The following ERBB4 variants were observed in gnomAD, a reference collection of about 807,000 sequenced individuals.
The protein encoded by ERBB4 is erb-b2 receptor tyrosine kinase 4.
A neutral mutation model predicts 158.0 loss-of-function variants in ERBB4; 42 were observed. That is an observed-to-expected ratio of 0.27 (90% CI 0.21 to 0.34). The LOEUF is 0.34. Among genes scored for constraint, ERBB4 ranks in the 10% least tolerant of loss-of-function variants. The pLI is 1.00. For synonymous variants in ERBB4, 583 were observed against 558.7 expected (o/e 1.04, Z -0.61); for missense variants, 1,333 against 1,624.1 (o/e 0.82, Z 3.08).
chr2:211,830,501 T>C (rs2077196624), intron 3 of ERBB4, among the ~76,000 whole-genome samples: 1 of 152,156 alleles, frequency 6.6e-6, no homozygotes, highest in Non-Finnish European at 1.5e-5. Context: ...TAGCCTTTAA[T>C]TTGTTTATTT....
chr2:211,994,798 A>G (rs1296229370), intron 2 of ERBB4, among the ~76,000 whole-genome samples: 1 of 152,222 alleles, frequency 6.6e-6, no homozygotes, highest in Non-Finnish European at 1.5e-5. Context: ...TGAGAGAGCA[A>G]CAGCAAAAAC....
At chr2:211,858,624 T>G (rs577483812) in intron 3 of ERBB4, among the ~76,000 whole-genome samples, 2 of 152,246 alleles carry the variant, frequency 1.3e-5, no homozygotes, top group South Asian at 4.2e-4. Context: ...AATAAAATCC[T>G]TGGCTAGCGT....
At chr2:212,419,787 T>G (rs1040552508) in intron 1 of ERBB4, among the ~76,000 whole-genome samples, 2 of 151,938 alleles carry the variant, frequency 1.3e-5, no homozygotes, top group African/African-American at 4.8e-5. Context: ...TAGAACTGAA[T>G]TAACGTCCTA....
intron 3 of ERBB4, among the ~76,000 whole-genome samples, chr2:211,927,378 C>CA (rs1386610853): frequency 6.6e-6 from 1 of 152,052 alleles, no homozygotes. Flanking sequence ...TGTCCAGTTA[C>CA]AAAAATATAT....
At chr2:212,265,464 A>G (rs948185884) in intron 1 of ERBB4, among the ~76,000 whole-genome samples, 2 of 152,096 alleles carry the variant, frequency 1.3e-5, no homozygotes, top group Admixed American at 1.3e-4. Flanking sequence ...AAACACATTT[A>G]TAGCTCCTAT....
chr2:211,609,329 C>T (rs913935005), intron 19 of ERBB4, among the ~76,000 whole-genome samples: 1 of 152,104 alleles, frequency 6.6e-6, no homozygotes, highest in Non-Finnish European at 1.5e-5. Flanking sequence ...TGCCCCCACA[C>T]CCAGTAGGAA....
intron 3 of ERBB4, among the ~76,000 whole-genome samples, chr2:211,856,546 C>T (rs992095728): frequency 2.1e-5 from 3 of 143,422 alleles, no homozygotes; most frequent in African/African-American, 2.5e-5. Flanking sequence ...CCACCACGCC[C>T]GGCTAATTTT....
intron 25 of ERBB4, among the ~76,000 whole-genome samples, chr2:211,415,271 C>A (rs1418990904): frequency 6.6e-6 from 1 of 151,982 alleles, no homozygotes; most frequent in Non-Finnish European, 1.5e-5. Flanking sequence ...CGCCCGCCAC[C>A]ACGCCCGGCT....
chr2:212,033,436 C>A (rs906029741), intron 2 of ERBB4, among the ~76,000 whole-genome samples: 4 of 151,606 alleles, frequency 2.6e-5, no homozygotes, highest in African/African-American at 7.3e-5. Flanking sequence ...CAATTAAGAA[C>A]CAAATTCCTT....
chr2:212,476,301 G>T (rs1339541447), intron 1 of ERBB4, among the ~76,000 whole-genome samples: 2 of 152,100 alleles, frequency 1.3e-5, no homozygotes, highest in Admixed American at 1.3e-4. Flanking sequence ...TAGGAATTAT[G>T]TCTACTTGGC....
intron 16 of ERBB4, among the ~76,000 whole-genome samples, chr2:211,632,496 C>G (rs1443183456): frequency 1.3e-5 from 2 of 151,998 alleles, no homozygotes; most frequent in Non-Finnish European, 2.9e-5. Context: ...TCAGACCAAA[C>G]TCTAAACTTT....
chr2:211,498,721 C>A (rs2065538318), intron 20 of ERBB4, among the ~76,000 whole-genome samples: 1 of 152,122 alleles, frequency 6.6e-6, no homozygotes, highest in Non-Finnish European at 1.5e-5. Flanking sequence ...CTACAATAAT[C>A]CTTTTCATTC....
intron 1 of ERBB4, among the ~76,000 whole-genome samples, chr2:212,488,117 C>T (rs1690074759): frequency 6.6e-6 from 1 of 152,088 alleles, no homozygotes; most frequent in South Asian, 2.1e-4. Flanking sequence ...AACCTCCAAA[C>T]CTCCAAACTC....
chr2:212,323,745 C>G (rs905883), intron 1 of ERBB4, among the ~76,000 whole-genome samples: 2,208 of 150,128 alleles, frequency 0.015, 79 homozygotes, highest in African/African-American at 0.051. Flanking sequence ...GGTTATTTAT[C>G]TTTTGGAGCC....
At chr2:211,862,112 T>C (rs1338415853) in intron 3 of ERBB4, among the ~76,000 whole-genome samples, 2 of 152,204 alleles carry the variant, frequency 1.3e-5, no homozygotes, top group African/African-American at 4.8e-5. Context: ...GGTAGTGCCA[T>C]ATCTCTCTTA....
chr2:211,811,707 T>C (rs2076760717), intron 3 of ERBB4, among the ~76,000 whole-genome samples: 1 of 152,160 alleles, frequency 6.6e-6, no homozygotes, highest in African/African-American at 2.4e-5. Context: ...GAGGCTTTGT[T>C]CGTTTCTTTT....
chr2:211,424,585 A>G (rs1482558901), intron 22 of ERBB4, among the ~76,000 whole-genome samples: 3 of 152,106 alleles, frequency 2.0e-5, no homozygotes, highest in African/African-American at 4.8e-5. Context: ...ATTTCTGCCT[A>G]TAGGTAACAC....
intron 19 of ERBB4, among the ~76,000 whole-genome samples, chr2:211,615,172 A>G (rs1486512436): frequency 6.6e-6 from 1 of 152,066 alleles, no homozygotes; most frequent in Non-Finnish European, 1.5e-5. Context: ...AAAACAGTCA[A>G]CTGTTACTAG....
intron 6 of ERBB4, among the ~76,000 whole-genome samples, chr2:211,724,244 TAGA>T (rs1384775040): frequency 1.3e-5 from 2 of 152,146 alleles, no homozygotes; most frequent in African/African-American, 4.8e-5. Flanking sequence ...AGAATGAGTA[TAGA>T]AGATTATATT....
Sources: allele counts gnomAD v4.1 joint callset (sites outside exome capture counted in the v4.1 genomes callset), GRCh38; gene constraint gnomAD v4.1.1; transcripts MANE v1.5; gene names NCBI Gene and HGNC (gene_info 2026-07-23, HGNC 2026-07-21).